Variants in STXBP4 observed in about 807,000 individuals in gnomAD.
STXBP4 encodes the protein syntaxin-binding protein 4.
In STXBP4, 55 loss-of-function variants were observed where a neutral mutation model predicts 76.1. The ratio of observed to expected loss-of-function variants is 0.72; its 90% CI spans 0.58 to 0.91. STXBP4 has a LOEUF of 0.91. Ranked by LOEUF, STXBP4 falls within the 40% of genes least tolerant of loss-of-function variation. The probability of loss-of-function intolerance (pLI) is 0.00; values close to 1 mark genes in which losing one functional copy is unlikely to be tolerated. For synonymous variants in STXBP4, 201 were observed against 220.2 expected (o/e 0.91, Z 0.77); for missense variants, 618 against 636.9 (o/e 0.97, Z 0.32).
intron 17 of STXBP4, 75 bp downstream of exon 17, chr17:55,141,442 A>G (rs745835845): frequency 5.4e-6 from 7 of 1,287,646 alleles, no homozygotes; most frequent in African/African-American, 3.0e-5. Context: ...CAGAATAATC[A>G]GCAAAACTAA....
chr17:55,034,416 A>G (rs1250805899), intron 10 of STXBP4, among the ~76,000 whole-genome samples, 157 bp downstream of exon 10: 1 of 152,162 alleles, frequency 6.6e-6, no homozygotes, highest in Non-Finnish European at 1.5e-5. Context: ...CAAAAGTAAA[A>G]GTTCATCCTG....
rs2080332488 is a variant in STXBP4, at chr17:55,161,062, G to A, written c.*1151G>A. 6.6e-6 allele frequency: 1 copy of A among 152,210 alleles called. No individual in the cohort carries two copies. The highest frequency in any genetic ancestry group is 1.5e-5 in the Non-Finnish European group (1 of 68,042). The allele number at this position is 152,210 out of a possible 1,614,324, so 9.4% of individuals were successfully genotyped here. ...TGCTGTGCAGACCTAGAGGTCCTTAGAACATAGTCTAAGAACCATTCATTG... is the reference window on the plus strand; with the variant it reads ...TGCTGTGCAGACCTAGAGGTCCTTAAAACATAGTCTAAGAACCATTCATTG... On this transcript the variant is annotated 3_prime_UTR_variant, in exon 18 of 18. Transcript: ENST00000376352.
intron 12 of STXBP4, among the ~76,000 whole-genome samples, chr17:55,067,225 G>T (rs1388098084): frequency 6.6e-6 from 1 of 152,084 alleles, no homozygotes; most frequent in African/African-American, 2.4e-5. Flanking sequence ...AGAAAGTTGG[G>T]TAATAAAGCA....
chr17:55,070,719 T>C lies in STXBP4; in HGVS notation c.1012-2181T>C, dbSNP rs1357959127. 7.9e-5 allele frequency among the ~76,000 whole-genome samples: 12 copies of C among 152,138 alleles called. No individual in the cohort carries two copies. The East Asian group carries it at 2.1e-3, about 27-fold the overall frequency. ...CCTGACTCCCTCCCTTTCCACGACC[T>C]TTTTTTATCCATTACTCCCCTATAG... On this transcript the variant is annotated intron_variant, in intron 12 of 17. Transcript: ENST00000376352.
chr17:55,142,461 T>A (rs1326616334), intron 17 of STXBP4, among the ~76,000 whole-genome samples: 1 of 152,172 alleles, frequency 6.6e-6, no homozygotes, highest in East Asian at 1.9e-4. Context: ...CCCCGCAACT[T>A]TACACAGTTC....
chr17:55,142,284 G>A (rs2080102702), intron 17 of STXBP4, among the ~76,000 whole-genome samples: 1 of 152,182 alleles, frequency 6.6e-6, no homozygotes, highest in Non-Finnish European at 1.5e-5. Context: ...AGAGCACAAA[G>A]GGGAATCCCA....
At chr17:54,988,019 A>C (rs1383435008) in intron 3 of STXBP4, among the ~76,000 whole-genome samples, 2 of 152,192 alleles carry the variant, frequency 1.3e-5, no homozygotes, top group Non-Finnish European at 2.9e-5. Context: ...TTTTAATAAG[A>C]GTTTTAAAAT....
chr17:54,999,874 A>G, intron 6 of STXBP4, 32 bp downstream of exon 6: 1 of 1,401,152 alleles, frequency 7.1e-7, no homozygotes. Flanking sequence ...TTCTCTATAT[A>G]TGCACTCCAT....
At position 55,072,991 on chromosome 17, in the gene STXBP4, T is replaced by C; in HGVS notation, c.1103T>C (p.Met368Thr). The C allele has an allele frequency of 6.2e-7, 1 of 1,613,986 alleles. No homozygotes were observed. The highest frequency in any genetic ancestry group is 8.5e-7 in the Non-Finnish European group (1 of 1,179,930). ...CAGAGACAGGCACATGGAATGGAAA[T>C]GGACTATGAAGAAGTGATCCGTCTG... ...AAQRQAHGME[M>T]DYEEVIRLLE... is the part of the protein sequence containing the mutation. The change falls in exon 13 of 18, where the codon ATG becomes ACG. Residue 368 changes from methionine (M) to threonine (T), a missense_variant. Transcript: ENST00000376352.
chr17:55,057,199 G>A (rs2078936195), intron 12 of STXBP4, among the ~76,000 whole-genome samples: 2 of 152,142 alleles, frequency 1.3e-5, no homozygotes, highest in African/African-American at 4.8e-5. Context: ...AATAATAGAT[G>A]CACCTTCCTT....
At chr17:55,070,292 A>G (rs2079105074) in intron 12 of STXBP4, among the ~76,000 whole-genome samples, 1 of 152,132 alleles carries the variant, frequency 6.6e-6, no homozygotes, top group Non-Finnish European at 1.5e-5. Context: ...TGGATGTAAA[A>G]CATTGAGAAT....
intron 16 of STXBP4, among the ~76,000 whole-genome samples, chr17:55,094,707 A>G (rs2079461068): frequency 6.6e-6 from 1 of 152,122 alleles, no homozygotes. Flanking sequence ...CTAATCAACT[A>G]TTGGATATTT....
intron 4 of STXBP4, among the ~76,000 whole-genome samples, chr17:54,996,461 C>T (rs192144186): frequency 6.6e-5 from 10 of 151,992 alleles, no homozygotes; most frequent in Admixed American, 6.6e-4. Context: ...ATCAAAGGTT[C>T]TCAATCTAAT....
the STXBP4 span, among the ~76,000 whole-genome samples, chr17:55,186,400 A>C: frequency 6.6e-6 from 1 of 152,228 alleles, no homozygotes; most frequent in Non-Finnish European, 1.5e-5. Flanking sequence ...ATTATATATT[A>C]ATACTTCTAA....
intron 16 of STXBP4, among the ~76,000 whole-genome samples, chr17:55,097,525 T>C (rs925073402): frequency 2.4e-4 from 36 of 151,968 alleles, no homozygotes; most frequent in African/African-American, 8.2e-4. Context: ...TAGCTGGGCG[T>C]GGTGGCGGGT....
chr17:55,117,060 T>TG (rs2079789072), intron 16 of STXBP4, among the ~76,000 whole-genome samples: 2 of 151,852 alleles, frequency 1.3e-5, no homozygotes, highest in Non-Finnish European at 3.0e-5. Flanking sequence ...GATTTACTCT[T>TG]AAGTTTTTTT....
chr17:55,048,380 TAAA>T (rs1460985569), intron 12 of STXBP4, among the ~76,000 whole-genome samples: 1 of 151,792 alleles, frequency 6.6e-6, no homozygotes, highest in African/African-American at 2.4e-5. Flanking sequence ...TTCTGTGAAA[TAAA>T]AAAGTATAGA....
At chr17:54,998,806 T>C (rs2077857380) in intron 4 of STXBP4, among the ~76,000 whole-genome samples, 1 of 151,922 alleles carries the variant, frequency 6.6e-6, no homozygotes, top group Admixed American at 6.6e-5. Flanking sequence ...GGCAATGTAA[T>C]GAGACCTCAT....
At chr17:55,093,786 C>T (rs538436384) in intron 16 of STXBP4, among the ~76,000 whole-genome samples, 1 of 152,094 alleles carries the variant, frequency 6.6e-6, no homozygotes, top group Non-Finnish European at 1.5e-5. Flanking sequence ...GATTTACATT[C>T]ATTATTTCCT....
Sources: allele counts gnomAD v4.1 joint callset (sites outside exome capture counted in the v4.1 genomes callset), GRCh38; gene constraint gnomAD v4.1.1; transcripts MANE v1.5; gene names NCBI Gene and HGNC (gene_info 2026-07-23, HGNC 2026-07-21).